Variants in PBRM1 observed in about 807,000 individuals in gnomAD.
PBRM1 encodes the protein protein polybromo-1.
Under a neutral mutation model 194.5 loss-of-function variants are expected in PBRM1, and 27 were observed. The ratio of observed to expected loss-of-function variants is 0.14; its 90% CI spans 0.10 to 0.19. PBRM1 has a LOEUF of 0.19. PBRM1 is among the 10% of genes least tolerant of loss of function. The pLI is 1.00. For synonymous variants in PBRM1, 655 were observed against 693.2 expected (o/e 0.94, Z 0.87); for missense variants, 1,466 against 2,077.2 (o/e 0.71, Z 5.72).
rs2094389009 is a variant in PBRM1 at position 52,607,114 on chromosome 3, G to A, written c.2567+2199C>T. Among the ~76,000 whole-genome samples, 3 of 152,124 alleles carry A rather than the reference G, an allele frequency of 2.0e-5. No homozygotes were observed. The South Asian group carries it at 6.2e-4, about 32-fold the overall frequency. ...TGAACTAATATTTCTGGGATGCCTA[G>A]CTTTGTTACTGATAATATAGTAGAT... On this transcript the variant is annotated intron_variant, in intron 16 of 29. Coordinates refer to ENST00000296302, the Ensembl canonical transcript of PBRM1.
At chr3:52,675,833 GGGCCGGGCGCGGTGGCTCACGCCTGTA>G (rs2097088003) in intron 2 of PBRM1, among the ~76,000 whole-genome samples, 3 of 121,312 alleles carry the variant, frequency 2.5e-5, no homozygotes, top group African/African-American at 6.6e-5. Flanking sequence ...AATGAAGCGG[GGGCCGGGCGCGGTGGCTCACGCCTGTA>G]ATCCCAGCAC....
intron 18 of PBRM1, among the ~76,000 whole-genome samples, chr3:52,588,170 G>C (rs1334685661): frequency 6.6e-6 from 1 of 152,168 alleles, no homozygotes; most frequent in Non-Finnish European, 1.5e-5. Context: ...ATATGCTACT[G>C]AAGGACATAT....
chr3:52,645,146 C>T (rs998988978), intron 7 of PBRM1, among the ~76,000 whole-genome samples: 1 of 152,196 alleles, frequency 6.6e-6, no homozygotes, highest in African/African-American at 2.4e-5. Flanking sequence ...AAACCTGGAA[C>T]ACATTTCTGT....
rs370077414 is a variant in PBRM1 at position 52,675,194 on chromosome 3, A to G, written c.236+3306T>C. Among the ~76,000 whole-genome samples, 8 of 152,350 alleles carry G rather than the reference A, an allele frequency of 5.3e-5. No individual in the cohort carries two copies. In the South Asian group the frequency reaches 6.2e-4, roughly 12 times the overall value. The stretch of plus-strand genomic sequence containing the variant: ...AGACATACAAAGCCTGAGTAAACCT[A>G]TAACTAGTAAGGAGACTGAATCAGT... On this transcript the variant is annotated intron_variant, in intron 2 of 29. Transcript: ENST00000296302.
intron 11 of PBRM1, among the ~76,000 whole-genome samples, chr3:52,630,360 G>C (rs2095578100): frequency 1.3e-5 from 2 of 152,092 alleles, no homozygotes; most frequent in Admixed American, 6.6e-5. Flanking sequence ...CTTCCTAGGG[G>C]TACACTGTAC....
chr3:52,633,331 C>A (rs2095685339), intron 11 of PBRM1, among the ~76,000 whole-genome samples: 1 of 152,102 alleles, frequency 6.6e-6, no homozygotes, highest in South Asian at 2.1e-4. Flanking sequence ...AAGCTTCATC[C>A]ATGTTAGAGC....
In PBRM1 at chr3:52,611,766, T is replaced by C. The variant is rs1439210283; in HGVS notation, c.1925-1811A>G. On this transcript the variant is annotated intron_variant, in intron 15 of 29. Coordinates refer to ENST00000296302, the Ensembl canonical transcript of PBRM1. Reference sequence around the variant, plus strand: ...TGGCAATGAGCCAAAAATGTGCCACTACACTCCAGCCTGGGTGACAGAGTA... The same window carrying C: ...TGGCAATGAGCCAAAAATGTGCCACCACACTCCAGCCTGGGTGACAGAGTA... Among the ~76,000 whole-genome samples, 6 of 151,984 alleles carry C rather than the reference T, an allele frequency of 3.9e-5. No individual in the cohort carries two copies. In the East Asian group the frequency reaches 1.2e-3, roughly 29 times the overall value.
At chr3:52,629,164 T>A in intron 11 of PBRM1, 129 bp from the exon 13 acceptor site, 1 of 666,392 alleles carries the variant, frequency 1.5e-6, no homozygotes, top group Non-Finnish European at 2.5e-6. Flanking sequence ...ATTAGGAACT[T>A]AAAAATGACT....
chr3:52,558,004 C>T (rs2082575378), intron 26 of PBRM1, among the ~76,000 whole-genome samples: 1 of 152,204 alleles, frequency 6.6e-6, no homozygotes, highest in African/African-American at 2.4e-5. Flanking sequence ...CATCACCAGA[C>T]CATGCCCACA....
intron 11 of PBRM1, among the ~76,000 whole-genome samples, chr3:52,631,309 A>G (rs958639214): frequency 7.6e-6 from 1 of 132,224 alleles, no homozygotes; most frequent in Non-Finnish European, 1.5e-5. Context: ...TTTCTCTATT[A>G]AAAAAAAAAA....
At chr3:52,550,563 G>A (rs778391495) in exon 29 of PBRM1, 2 of 1,550,476 alleles carry the variant, frequency 1.3e-6, no homozygotes, top group Non-Finnish European at 1.7e-6. Flanking sequence ...GCTGCTGTAT[G>A]ACAGGGGGTC....
At chr3:52,666,355 C>T (rs1248665427) in intron 3 of PBRM1, among the ~76,000 whole-genome samples, 1 of 151,994 alleles carries the variant, frequency 6.6e-6, no homozygotes, top group African/African-American at 2.4e-5. Flanking sequence ...CCAGCCTGGC[C>T]AACATGGCAA....
intron 2 of PBRM1, among the ~76,000 whole-genome samples, chr3:52,677,359 T>C (rs1375274654): frequency 2.0e-5 from 3 of 150,294 alleles, no homozygotes; most frequent in Non-Finnish European, 4.4e-5. Context: ...TTCTCCTGCC[T>C]CAGCCTCCCA....
intron 12 of PBRM1, 84 bp downstream of exon 13, chr3:52,628,810 C>T (rs1036611727): frequency 1.6e-6 from 2 of 1,241,762 alleles, no homozygotes; most frequent in Non-Finnish European, 2.3e-6. Context: ...GGGGGGATCA[C>T]ACATCTTACT....
intron 3 of PBRM1, 104 bp from the exon 5 acceptor site, chr3:52,662,380 A>T (rs2153933375): frequency 1.1e-6 from 1 of 877,852 alleles, no homozygotes; most frequent in South Asian, 1.7e-5. Flanking sequence ...AATTGTTACA[A>T]ATTTTAACAT....
chr3:52,591,813 C>T (rs891608977), intron 17 of PBRM1, among the ~76,000 whole-genome samples: 4 of 134,810 alleles, frequency 3.0e-5, no homozygotes, highest in South Asian at 2.3e-4. Context: ...CCACTGCGCC[C>T]GGCCTTTTTT....
chr3:52,599,285 T>G (rs1434185376), intron 17 of PBRM1, among the ~76,000 whole-genome samples: 1 of 152,212 alleles, frequency 6.6e-6, no homozygotes, highest in African/African-American at 2.4e-5. Flanking sequence ...ATTAGCATAT[T>G]AATACTCTCA....
intron 16 of PBRM1, chr3:52,608,985 G>A: frequency 4.5e-6 from 1 of 223,036 alleles, no homozygotes; most frequent in Non-Finnish European, 9.0e-6. Context: ...AAAGAAAAAC[G>A]CTGTTACTAT....
At chr3:52,611,266 T>G (rs1298023715) in intron 15 of PBRM1, among the ~76,000 whole-genome samples, 1 of 152,150 alleles carries the variant, frequency 6.6e-6, no homozygotes, top group Non-Finnish European at 1.5e-5. Context: ...AGGAATAAAA[T>G]TAAAAACTAT....
Sources: gnomAD v4.1 joint callset for allele counts (sites outside exome capture counted in the v4.1 genomes callset) on GRCh38, gnomAD v4.1.1 for gene constraint, MANE v1.5 for transcripts, NCBI Gene and HGNC (gene_info 2026-07-23, HGNC 2026-07-21) for gene names.